COL25A1: variants seen among roughly 807,000 people sequenced by gnomAD.
COL25A1 encodes collagen type XXV alpha 1 chain.
Under a neutral mutation model 128.4 loss-of-function variants are expected in COL25A1, and 103 were observed. That is an observed-to-expected ratio of 0.80 (90% CI 0.68 to 0.94). The LOEUF (loss-of-function observed/expected upper bound fraction) is 0.94, where lower values mean the gene tolerates loss of function less well. Among genes scored for constraint, COL25A1 ranks in the 40% least tolerant of loss-of-function variants. The probability of loss-of-function intolerance (pLI) is 0.00; values close to 1 mark genes in which losing one functional copy is unlikely to be tolerated. For synonymous variants in COL25A1, 279 were observed against 277.2 expected (o/e 1.01, Z -0.06); for missense variants, 745 against 840.0 (o/e 0.89, Z 1.40).
At chr4:109,038,433 C>A (rs886618228) in intron 5 of COL25A1, among the ~76,000 whole-genome samples, 1 of 152,176 alleles carries the variant, frequency 6.6e-6, no homozygotes. Flanking sequence ...ACCGCATGAC[C>A]AATTCCATAA....
intron 4 of COL25A1, among the ~76,000 whole-genome samples, chr4:109,048,653 C>G (rs17039710): frequency 0.094 from 14,310 of 152,138 alleles, 975 homozygotes; most frequent in African/African-American, 0.19. Flanking sequence ...TAGGTCCTCA[C>G]GTTTATGTAA....
intron 5 of COL25A1, among the ~76,000 whole-genome samples, chr4:109,019,989 GGTTTAA>G (rs1757576967): frequency 1.3e-5 from 2 of 152,184 alleles, no homozygotes; most frequent in South Asian, 4.2e-4. Flanking sequence ...ACTGCATGGA[GGTTTAA>G]AATAGGTTAT....
rs552927307 is a variant in COL25A1, at chr4:109,021,356, G to A, written c.421-10981C>T. Among the ~76,000 whole-genome samples the A allele has an allele frequency of 3.9e-5, 6 of 152,158 alleles. No homozygotes were observed. In the South Asian group the frequency reaches 1.2e-3, roughly 32 times the overall value. On this transcript the variant is annotated intron_variant, in intron 5 of 37. Transcript: ENST00000399132. ...AACAGAGGGACTGGCTGGAGCAGCG[G>A]CAGAGGAACATAAATTGTGAAGATT... is the stretch of plus-strand genomic sequence containing the variant.
intron 33 of COL25A1, among the ~76,000 whole-genome samples, chr4:108,826,137 G>A (rs532341737): frequency 2.6e-5 from 4 of 152,066 alleles, no homozygotes; most frequent in South Asian, 2.1e-4. Flanking sequence ...TTAATGCAAC[G>A]TACGCTTCTA....
chr4:109,227,177 C>A (rs1196006106), intron 3 of COL25A1, among the ~76,000 whole-genome samples: 7 of 151,868 alleles, frequency 4.6e-5, no homozygotes, highest in African/African-American at 1.7e-4. Flanking sequence ...GAGGAGGCTT[C>A]AATGTTTTTA....
At chr4:109,154,930 A>C (rs1047619773) in intron 3 of COL25A1, among the ~76,000 whole-genome samples, 2 of 152,168 alleles carry the variant, frequency 1.3e-5, no homozygotes, top group Admixed American at 1.3e-4. Context: ...ATCTTTAGCT[A>C]TTATAGCAAG....
At position 108,959,466 on chromosome 4, in the gene COL25A1, T is replaced by C. The variant is rs79397609; in HGVS notation, c.492+14901A>G. Among the ~76,000 whole-genome samples, 40 of 152,162 alleles carry C rather than the reference T, an allele frequency of 2.6e-4. No individual in the cohort carries two copies. The East Asian group carries it at 7.1e-3, about 27-fold the overall frequency. ...CCAAATAGTGAACACATTCCAGTAA[T>C]AGGAAAAAATAAAGACATTGAATTC... is the stretch of plus-strand genomic sequence containing the variant. On this transcript the variant is annotated intron_variant, in intron 8 of 37. Coordinates refer to ENST00000399132, the MANE Select transcript of COL25A1 (RefSeq NM_198721.4).
At chr4:109,145,641 A>T (rs1299810455) in intron 3 of COL25A1, among the ~76,000 whole-genome samples, 1 of 152,082 alleles carries the variant, frequency 6.6e-6, no homozygotes, top group Non-Finnish European at 1.5e-5. Context: ...GAGTTTTGAA[A>T]CCAGCCTGGA....
intron 3 of COL25A1, among the ~76,000 whole-genome samples, chr4:109,163,734 A>G (rs962150352): frequency 2.0e-5 from 3 of 152,202 alleles, no homozygotes; most frequent in Admixed American, 1.3e-4. Flanking sequence ...CCAATTCCTC[A>G]TATCAGGTTC....
At chr4:109,236,203 C>A (rs979006916) in intron 3 of COL25A1, among the ~76,000 whole-genome samples, 6 of 151,620 alleles carry the variant, frequency 4.0e-5, no homozygotes, top group African/African-American at 1.5e-4. Flanking sequence ...GATTTCTTCA[C>A]TTTTGTAATA....
intron 3 of COL25A1, among the ~76,000 whole-genome samples, chr4:109,211,290 C>CAA (rs1491270826): frequency 9.8e-6 from 1 of 102,528 alleles, no homozygotes; most frequent in African/African-American, 2.8e-5. Context: ...ATATATGAAA[C>CAA]TATATATATA....
At chr4:109,243,647 A>G (rs1454571287) in intron 3 of COL25A1, among the ~76,000 whole-genome samples, 1 of 152,078 alleles carries the variant, frequency 6.6e-6, no homozygotes, top group East Asian at 1.9e-4. Context: ...GCTGTTCTCT[A>G]TCTACAATGA....
chr4:109,106,967 C>G (rs554891720), intron 3 of COL25A1, among the ~76,000 whole-genome samples: 3 of 152,122 alleles, frequency 2.0e-5, no homozygotes, highest in Admixed American at 2.0e-4. Flanking sequence ...TGGGGTCTCA[C>G]TATGTTGCCT....
At chr4:109,050,343 A>G (rs1050188228) in intron 3 of COL25A1, among the ~76,000 whole-genome samples, 164 bp from the exon 4 acceptor site, 6 of 152,176 alleles carry the variant, frequency 3.9e-5, no homozygotes, top group African/African-American at 1.4e-4. Flanking sequence ...GTGTTTCAGC[A>G]AAACTCTTAA....
intron 10 of COL25A1, among the ~76,000 whole-genome samples, chr4:108,939,407 C>T (rs1747810354): frequency 6.6e-6 from 1 of 152,172 alleles, no homozygotes; most frequent in Non-Finnish European, 1.5e-5. Flanking sequence ...AGCAAATTCA[C>T]AGCAGCTTTC....
intron 3 of COL25A1, among the ~76,000 whole-genome samples, chr4:109,246,269 G>C (rs1175245852): frequency 6.6e-6 from 1 of 152,036 alleles, no homozygotes; most frequent in Admixed American, 6.6e-5. Context: ...ATTAAGCAGA[G>C]ATATAAAATG....
chr4:108,875,326 A>G (rs1464093670), intron 19 of COL25A1, among the ~76,000 whole-genome samples: 2 of 152,214 alleles, frequency 1.3e-5, no homozygotes, highest in Non-Finnish European at 2.9e-5. Flanking sequence ...ACAAAGGGCT[A>G]ATATGCAGAA....
intron 3 of COL25A1, among the ~76,000 whole-genome samples, chr4:109,093,017 A>C (rs1422315780): frequency 1.3e-5 from 2 of 152,100 alleles, no homozygotes; most frequent in Non-Finnish European, 2.9e-5. Flanking sequence ...AAATCAAGTA[A>C]AATTACAGTC....
chr4:109,005,922 A>C (rs1392602994), intron 6 of COL25A1, among the ~76,000 whole-genome samples: 1 of 152,214 alleles, frequency 6.6e-6, no homozygotes, highest in African/African-American at 2.4e-5. Flanking sequence ...TGAATTGTAC[A>C]TAAATAACAA....
Sources: allele counts gnomAD v4.1 joint callset (sites outside exome capture counted in the v4.1 genomes callset), GRCh38; gene constraint gnomAD v4.1.1; transcripts MANE v1.5; gene names NCBI Gene and HGNC (gene_info 2026-07-23, HGNC 2026-07-21).